PER3: variants seen among roughly 807,000 people sequenced by gnomAD.
The protein encoded by PER3 is period circadian protein homolog 3.
PER3 carries 107 observed loss-of-function variants against 127.2 expected under a neutral mutation model. That is an observed-to-expected ratio of 0.84 (90% CI 0.72 to 0.99). The LOEUF (loss-of-function observed/expected upper bound fraction) is 0.99. Among genes scored for constraint, PER3 ranks in the 50% least tolerant of loss-of-function variants. The pLI, the probability that PER3 is intolerant of heterozygous loss-of-function variation, is 0.00. For missense variants in PER3, 1,560 were observed against 1,525.8 expected, an observed-to-expected ratio of 1.02 and a Z score of -0.37; for synonymous variants, 618 against 585.8, an observed-to-expected ratio of 1.05 and a Z score of -0.79.
intron 9 of PER3, 105 bp from the exon 10 acceptor site, chr1:7,803,587 C>A (rs74607659): frequency 1.3e-6 from 1 of 747,362 alleles, no homozygotes; most frequent in Non-Finnish European, 2.1e-6. Context: ...GACTCAATCT[C>A]AAAAAAAACC....
chr1:7,787,520 A>AT (rs1201602485), intron 4 of PER3: 1 of 413,674 alleles, frequency 2.4e-6, no homozygotes, highest in Non-Finnish European at 4.7e-6. Context: ...TTAAGAAAAT[A>AT]TTTGTCTTTT....
chr1:7,837,274 G>C (rs1407299352), intron 21 of PER3, 125 bp downstream of exon 21: 2 of 678,090 alleles, frequency 2.9e-6, no homozygotes, highest in Non-Finnish European at 4.9e-6. Flanking sequence ...CTCTATGGTA[G>C]GTGTTATTAT....
chr1:7,838,453 C>T (rs780754884), intron 21 of PER3, among the ~76,000 whole-genome samples: 24 of 151,994 alleles, frequency 1.6e-4, no homozygotes, highest in African/African-American at 2.7e-4. Flanking sequence ...CTCTTGCCCA[C>T]GCTGGAGTGC....
chr1:7,785,801 C>T (rs199987762), intron 3 of PER3, among the ~76,000 whole-genome samples: 2 of 152,160 alleles, frequency 1.3e-5, no homozygotes, highest in East Asian at 3.8e-4. Context: ...GTGTATAATA[C>T]CTATGCAATG....
intron 11 of PER3, among the ~76,000 whole-genome samples, chr1:7,809,557 T>C (rs1188531575): frequency 1.3e-5 from 2 of 152,140 alleles, no homozygotes; most frequent in Admixed American, 1.3e-4. Flanking sequence ...AAGTATAATA[T>C]ATAGTTAGTT....
rs1442619054 is a variant in PER3 at position 7,844,008 on chromosome 1, T to C, written c.*1253T>C. On this transcript the variant is annotated 3_prime_UTR_variant, in exon 22 of 22. Coordinates refer to ENST00000377532, the MANE Select transcript of PER3 (RefSeq NM_001377275.1). ...GAGGGTTACAGTAACCTGTTGTCTT[T>C]ATATAACTTGCAACAAACTAATTTA... 1.9e-5 allele frequency: 22 copies of C among 1,149,090 alleles called. No individual in the cohort carries two copies. The highest frequency in any genetic ancestry group is 4.3e-5 in the Admixed American group (1 of 23,164). The allele number at this position is 1,149,090 out of a possible 1,614,324, so 71.2% of individuals were successfully genotyped here. A position where few individuals can be genotyped will look rare whatever the true frequency, so the allele number is the denominator to read the frequency against.
rs752850173 is a variant in PER3, at chr1:7,785,579, C to T, written c.267C>T (p.Ser89=). The stretch of plus-strand genomic sequence containing the variant: ...ACTATGCTCTCCGCTGTGTCCACAG[C>T]GTTCAAGGTAAACAAGCCGGAGAGA... ...ALNYALRCVH[S]VQANSEFFQI... The change falls in exon 3 of 22, where the codon AGC becomes AGT. Residue 89 remains serine (S), a synonymous_variant. Coordinates refer to ENST00000377532, the MANE Select transcript of PER3 (RefSeq NM_001377275.1). 8.7e-6 allele frequency: 14 copies of T among 1,610,020 alleles called. No homozygotes were observed. Among genetic ancestry groups the T allele is most frequent in the Middle Eastern group, 1.6e-4 (1 of 6,062 alleles).
intron 16 of PER3, among the ~76,000 whole-genome samples, chr1:7,824,978 T>C (rs930322988): frequency 6.6e-6 from 1 of 152,158 alleles, no homozygotes; most frequent in East Asian, 1.9e-4. Context: ...TCACCTCCCT[T>C]GTTTCTTATC....
chr1:7,809,130 C>T (rs1010342643), intron 11 of PER3, 132 bp downstream of exon 11: 3 of 571,308 alleles, frequency 5.3e-6, no homozygotes, highest in African/African-American at 3.9e-5. Context: ...AAATTTTTGT[C>T]TTTCTCTTTT....
At chr1:7,812,523 G>A (rs1577799246) in intron 13 of PER3, among the ~76,000 whole-genome samples, 1 of 151,288 alleles carries the variant, frequency 6.6e-6, no homozygotes, top group South Asian at 2.1e-4. Flanking sequence ...TACCTGGGAG[G>A]CTGAGGCAGG....
chr1:7,806,812 A>ATATATATATATATATATATATAT (rs1553309916), intron 10 of PER3, among the ~76,000 whole-genome samples: 5 of 60,628 alleles, frequency 8.2e-5, no homozygotes, highest in East Asian at 2.3e-3. Context: ...AAAAAAAAAA[A>ATATATATATATATATATATATAT]ATATATATAT....
Position 7,842,827 on chromosome 1 carries a change from C to A in PER3, c.*72C>A. On this transcript the variant is annotated 3_prime_UTR_variant, in exon 22 of 22. Transcript: ENST00000377532. ...CAGACAGACCTTTTTAAGTCCTGGACTTTTAAATGACCATGAAGTTATCAT... is the reference window on the plus strand; with the variant it reads ...CAGACAGACCTTTTTAAGTCCTGGAATTTTAAATGACCATGAAGTTATCAT... 1.6e-6 allele frequency: 2 copies of A among 1,259,774 alleles called. No individual in the cohort carries two copies. The highest frequency in any genetic ancestry group is 2.1e-5 in the Admixed American group (1 of 48,582). 78.0% of individuals were successfully genotyped at this position (1,259,774 alleles called of 1,614,324 possible). A position where few individuals can be genotyped will look rare whatever the true frequency, so the allele number is the denominator to read the frequency against.
intron 21 of PER3, among the ~76,000 whole-genome samples, chr1:7,841,443 T>TG (rs1163874373): frequency 2.0e-5 from 3 of 152,180 alleles, no homozygotes; most frequent in African/African-American, 7.2e-5. Flanking sequence ...CCACAAGCTG[T>TG]GTGCAGGCTG....
chr1:7,787,294 T>C, intron 4 of PER3: 1 of 210,854 alleles, frequency 4.7e-6, no homozygotes. Context: ...AAGAGACCTT[T>C]AGTATATCTT....
intron 11 of PER3, 129 bp from the exon 12 acceptor site, chr1:7,809,751 CATTAAAAGTACCA>C: frequency 1.4e-6 from 1 of 712,720 alleles, no homozygotes. Context: ...TCAGCATCAG[CATTAAAAGTACCA>C]ACCTGCACAC....
At chr1:7,796,336 T>TTTTTTTTTTTG (rs1188385104) in intron 6 of PER3, among the ~76,000 whole-genome samples, 1 of 149,312 alleles carries the variant, frequency 6.7e-6, no homozygotes, top group Non-Finnish European at 1.5e-5. Flanking sequence ...TTTTTTTTTT[T>TTTTTTTTTTTG]GAGACAGGAT....
At chr1:7,790,927 G>A (rs2097116779) in intron 5 of PER3, among the ~76,000 whole-genome samples, 1 of 152,232 alleles carries the variant, frequency 6.6e-6, no homozygotes, top group South Asian at 2.1e-4. Context: ...CAAGAGGTGG[G>A]CTCCTACAGC....
intron 21 of PER3, among the ~76,000 whole-genome samples, chr1:7,838,119 G>A (rs1184190746): frequency 6.6e-6 from 1 of 152,032 alleles, no homozygotes; most frequent in African/African-American, 2.4e-5. Context: ...AGGTGTTAAA[G>A]TATGATATTA....
At chr1:7,805,173 G>C (rs927513896) in intron 10 of PER3, among the ~76,000 whole-genome samples, 1 of 152,242 alleles carries the variant, frequency 6.6e-6, no homozygotes, top group African/African-American at 2.4e-5. Flanking sequence ...CAACCCTGTG[G>C]TCCATTTTTA....
Sources: allele counts gnomAD v4.1 joint callset (sites outside exome capture counted in the v4.1 genomes callset), GRCh38; gene constraint gnomAD v4.1.1; transcripts MANE v1.5; gene names NCBI Gene and HGNC (gene_info 2026-07-23, HGNC 2026-07-21).